The following LCORL variants were observed in gnomAD, a reference collection of about 807,000 sequenced individuals.
The protein encoded by LCORL is ligand-dependent nuclear receptor corepressor-like protein.
Under a neutral mutation model 141.8 loss-of-function variants are expected in LCORL, and 41 were observed. That is an observed-to-expected ratio of 0.29 (90% CI 0.23 to 0.38). The LOEUF (loss-of-function observed/expected upper bound fraction) is 0.38. Among genes scored for constraint, LCORL ranks in the 10% least tolerant of loss-of-function variants. The pLI is 1.00. For missense variants in LCORL, 1,759 were observed against 2,035.0 expected, an observed-to-expected ratio of 0.86 and a Z score of 2.61; for synonymous variants, 618 against 694.1, an observed-to-expected ratio of 0.89 and a Z score of 1.72.
chr4:17,855,952 C>T (rs1462667509), intron 7 of LCORL, among the ~76,000 whole-genome samples: 1 of 152,200 alleles, frequency 6.6e-6, no homozygotes, highest in Non-Finnish European at 1.5e-5. Flanking sequence ...TAAAAAAGTA[C>T]AAGGTCTCTC....
At chr4:18,020,245 C>T (rs377410518) in intron 1 of LCORL, among the ~76,000 whole-genome samples, 1 of 152,000 alleles carries the variant, frequency 6.6e-6, no homozygotes, top group Non-Finnish European at 1.5e-5. Context: ...AGACGTTAAC[C>T]AAATACATGG....
chr4:17,909,835 TTCA>T (rs1258787638), intron 4 of LCORL, among the ~76,000 whole-genome samples: 2 of 152,138 alleles, frequency 1.3e-5, no homozygotes, highest in South Asian at 2.1e-4. Context: ...TAACCTGAAT[TTCA>T]TCATCAAGGA....
intron 5 of LCORL, among the ~76,000 whole-genome samples, chr4:17,897,408 G>A (rs935042276): frequency 2.2e-4 from 33 of 150,402 alleles, no homozygotes; most frequent in Non-Finnish European, 4.4e-5. Context: ...TTATTGGGGT[G>A]GAAAAACAGT....
intron 5 of LCORL, among the ~76,000 whole-genome samples, chr4:17,906,383 C>T (rs986599200): frequency 2.0e-5 from 3 of 152,100 alleles, no homozygotes; most frequent in Admixed American, 1.3e-4. Flanking sequence ...ATCACTCTTC[C>T]CCGTGCCCTC....
At chr4:17,882,535 TAG>T (rs1727712191) in intron 6 of LCORL, 2 of 984,626 alleles carry the variant, frequency 2.0e-6, no homozygotes, top group South Asian at 4.7e-5. Flanking sequence ...ACCCAATTAG[TAG>T]AGAGTTTACA....
At chr4:17,868,412 C>T (rs1725937305) in intron 7 of LCORL, among the ~76,000 whole-genome samples, 1 of 151,870 alleles carries the variant, frequency 6.6e-6, no homozygotes. Flanking sequence ...ACTATTATTA[C>T]AGGAGCTTCA....
chr4:17,998,141 G>T (rs1271125552), intron 1 of LCORL, among the ~76,000 whole-genome samples: 1 of 152,030 alleles, frequency 6.6e-6, no homozygotes, highest in Admixed American at 6.6e-5. Context: ...TAAAAATATG[G>T]TATAAAAGAT....
intron 6 of LCORL, among the ~76,000 whole-genome samples, chr4:17,879,654 C>A (rs1351765300): frequency 6.6e-6 from 1 of 150,746 alleles, no homozygotes; most frequent in Non-Finnish European, 1.5e-5. Flanking sequence ...ATGTAGAGAG[C>A]AAGGGCAGGA....
At chr4:17,917,361 T>C (rs1733615817) in intron 4 of LCORL, among the ~76,000 whole-genome samples, 1 of 152,010 alleles carries the variant, frequency 6.6e-6, no homozygotes, top group African/African-American at 2.4e-5. Context: ...CCCGGCTAAG[T>C]TTTGTATTTT....
chr4:17,934,504 C>T (rs1421652556), intron 4 of LCORL, among the ~76,000 whole-genome samples: 1 of 152,082 alleles, frequency 6.6e-6, no homozygotes. Flanking sequence ...AATAAGGAAT[C>T]ACTAGATGCA....
intron 1 of LCORL, among the ~76,000 whole-genome samples, chr4:17,973,644 C>T (rs1182973705): frequency 2.0e-5 from 3 of 151,408 alleles, no homozygotes; most frequent in South Asian, 2.1e-4. Flanking sequence ...TAATGTAAGC[C>T]GTGTGTGGAT....
intron 6 of LCORL, chr4:17,882,681 A>G: frequency 1.0e-6 from 1 of 984,824 alleles, no homozygotes; most frequent in Non-Finnish European, 1.2e-6. Flanking sequence ...ATTCATTTTG[A>G]TAAACTGAAA....
rs1577722761 is a variant in LCORL at position 18,009,223 on chromosome 4, A to G, written c.154+12375T>C. On this transcript the variant is annotated intron_variant, in intron 1 of 7. Transcript: ENST00000635767. ...CAGCATTCTAATTTTCCCTACTTTC[A>G]TATTAGTAAATCCCTTCTCAGACAA... Among the ~76,000 whole-genome samples, 5 of 152,066 alleles carry G rather than the reference A, an allele frequency of 3.3e-5. No homozygotes were observed. The South Asian group carries it at 1.0e-3, about 32-fold the overall frequency.
At chr4:17,886,261 T>G (rs941753468) in intron 5 of LCORL, 100 bp from the exon 6 acceptor site, 10 of 708,346 alleles carry the variant, frequency 1.4e-5, no homozygotes, top group Non-Finnish European at 2.3e-5. Context: ...ATAACACTAG[T>G]ATTTGATATG....
At chr4:17,954,702 G>T (rs746693878) in intron 4 of LCORL, among the ~76,000 whole-genome samples, 1 of 152,158 alleles carries the variant, frequency 6.6e-6, no homozygotes, top group African/African-American at 2.4e-5. Flanking sequence ...GACATGGTGA[G>T]ATTTAGAGTA....
chr4:17,907,685 T>C (rs1731860126), intron 5 of LCORL, among the ~76,000 whole-genome samples: 1 of 152,074 alleles, frequency 6.6e-6, no homozygotes, highest in African/African-American at 2.4e-5. Context: ...GTGGCAGATA[T>C]CATAAAAATA....
At chr4:17,922,088 T>C (rs1734388669) in intron 4 of LCORL, among the ~76,000 whole-genome samples, 1 of 152,172 alleles carries the variant, frequency 6.6e-6, no homozygotes, top group Non-Finnish European at 1.5e-5. Context: ...CAGCCTATTG[T>C]GGGACTTCAA....
At chr4:17,874,926 G>A (rs1032293711) in exon 7 of LCORL, 6 of 1,233,554 alleles carry the variant, frequency 4.9e-6, no homozygotes, top group African/African-American at 4.7e-5. Context: ...ATGGAGCAGA[G>A]CGTTTCTATA....
chr4:17,954,996 T>C (rs1161832060), intron 4 of LCORL, among the ~76,000 whole-genome samples: 2 of 152,160 alleles, frequency 1.3e-5, no homozygotes, highest in Non-Finnish European at 2.9e-5. Flanking sequence ...AGATTGAATA[T>C]GTAGTTATTA....
Sources: allele counts gnomAD v4.1 joint callset (sites outside exome capture counted in the v4.1 genomes callset), GRCh38; gene constraint gnomAD v4.1.1; transcripts MANE v1.5; gene names NCBI Gene and HGNC (gene_info 2026-07-23, HGNC 2026-07-21).